UNC13A: variants seen among roughly 807,000 people sequenced by gnomAD.
The protein encoded by UNC13A is protein unc-13 homolog A.
In UNC13A, 61 loss-of-function variants were observed where a neutral mutation model predicts 219.7. The ratio of observed to expected loss-of-function variants is 0.28; its 90% confidence interval spans 0.23 to 0.34. The LOEUF is 0.34. Among genes scored for constraint, UNC13A ranks in the 10% least tolerant of loss-of-function variants. UNC13A has a pLI of 1.00. For synonymous variants in UNC13A, 920 were observed against 884.6 expected, an observed-to-expected ratio of 1.04 and a Z score of -0.71; for missense variants, 1,476 against 2,270.3, an observed-to-expected ratio of 0.65 and a Z score of 7.11.
intron 16 of UNC13A, 35 bp from the exon 17 acceptor site, chr19:17,647,527 C>T (rs762119202): frequency 1.3e-6 from 2 of 1,593,056 alleles, no homozygotes; most frequent in East Asian, 2.2e-5. Context: ...GACCCCAGCG[C>T]GCCCTGCATA....
chr19:17,687,703 A>T (rs1599429026), intron 1 of UNC13A, among the ~76,000 whole-genome samples: 1 of 151,008 alleles, frequency 6.6e-6, no homozygotes, highest in Non-Finnish European at 1.5e-5. Flanking sequence ...GGCTTGGAGA[A>T]CCCTCCCACC....
chr19:17,639,323 A>C, intron 24 of UNC13A, 106 bp from the exon 25 acceptor site: 1 of 1,574,210 alleles, frequency 6.4e-7, no homozygotes, highest in Non-Finnish European at 8.6e-7. Context: ...GTATGAAAGG[A>C]AAAGGTTACT....
rs1399357010 is a variant in UNC13A at position 17,655,953 on chromosome 19, G to C, written c.1213C>G (p.Pro405Ala). The part of the protein sequence containing the change: ...APDMAKVAPK[P>A]ATPDKVPAAE... ...GCAGGCACCTTGTCGGGCGTGGCTG[G>C]CTTGGGGGCCACCTTGGCCATGTCG... is the stretch of plus-strand genomic sequence containing the variant. The change falls in exon 10 of 44, where the codon CCA (proline) becomes GCA (alanine). Residue 405 changes from proline (P) to alanine (A), a missense_variant. Transcript: ENST00000519716. 1 of 1,548,620 alleles carries C rather than the reference G, an allele frequency of 6.5e-7. No individual in the cohort carries two copies. Among genetic ancestry groups the C allele is most frequent in the Non-Finnish European group, 8.7e-7 (1 of 1,149,534 alleles).
At chr19:17,643,015 AT>A (rs796922566) in intron 19 of UNC13A, 55 bp from the exon 20 acceptor site, 96,054 of 1,066,960 alleles carry the variant, frequency 0.09, 34 homozygotes, top group South Asian at 0.12. Context: ...GCAGTGGGCA[AT>A]TTTTTTTTTT....
intron 43 of UNC13A, among the ~76,000 whole-genome samples, chr19:17,608,431 T>G (rs908186414): frequency 2.4e-4 from 33 of 137,904 alleles, no homozygotes; most frequent in African/African-American, 9.1e-4. Context: ...TTATATGATA[T>G]ATATTTATTA....
In UNC13A at chr19:17,655,340, G is replaced by A. The variant is rs541479549; in HGVS notation, c.1326C>T (p.Asp442=). 6.3e-7 allele frequency: 1 copy of A among 1,592,102 alleles called. No individual in the cohort carries two copies. The highest frequency in any genetic ancestry group is 1.1e-5 in the South Asian group (1 of 87,328). The change falls in exon 11 of 44, where the codon GAC becomes GAT. Residue 442 remains aspartate (D), a synonymous_variant. Transcript: ENST00000519716. Reference sequence around the variant, plus strand: ...AGTTGGCCTTGGCCCTGGACATGGAGTCCTGCCCCTCCTGGCCTTCCTCAT... The same window carrying A: ...AGTTGGCCTTGGCCCTGGACATGGAATCCTGCCCCTCCTGGCCTTCCTCAT... The part of the protein sequence containing the change: ...REDEEGQEGQ[D]SMSRAKANWL...
intron 33 of UNC13A, 131 bp from the exon 34 acceptor site, chr19:17,626,916 A>C: frequency 7.4e-7 from 1 of 1,342,618 alleles, no homozygotes. Flanking sequence ...AGAACAGGCC[A>C]GATGCGGTGG....
At chr19:17,643,104 T>G (rs1687436722) in intron 19 of UNC13A, 144 bp from the exon 20 acceptor site, 4 of 591,028 alleles carry the variant, frequency 6.8e-6, no homozygotes, top group Non-Finnish European at 1.2e-5. Flanking sequence ...CTCCACCTCC[T>G]GGGTTCAAGC....
intron 23 of UNC13A, 66 bp from the exon 24 acceptor site, chr19:17,639,591 T>C: frequency 6.5e-7 from 1 of 1,531,226 alleles, no homozygotes; most frequent in African/African-American, 1.4e-5. Context: ...AGACTGCTTT[T>C]CAGGGGGATA....
chr19:17,665,994 AG>A, intron 7 of UNC13A, among the ~76,000 whole-genome samples: 2 of 35,374 alleles, frequency 5.7e-5, no homozygotes, highest in African/African-American at 1.1e-4. Context: ...CCCAAGTCTC[AG>A]AACTCTCCTT....
chr19:17,643,005 G>T, intron 19 of UNC13A, 45 bp from the exon 20 acceptor site: 1 of 1,504,182 alleles, frequency 6.6e-7, no homozygotes, highest in Non-Finnish European at 9.0e-7. Flanking sequence ...TCCCACTATA[G>T]CAGTGGGCAA....
chr19:17,670,590 T>C (rs2079766830), intron 4 of UNC13A, among the ~76,000 whole-genome samples: 1 of 151,828 alleles, frequency 6.6e-6, no homozygotes, highest in Non-Finnish European at 1.5e-5. Context: ...TTCGTCCCTC[T>C]GCATTCATTC....
In UNC13A at chr19:17,666,791, C is replaced by T. The variant is rs558480718; in HGVS notation, c.469-87G>A. The T allele has an allele frequency of 1.7e-4, 171 of 1,027,044 alleles. 3 individuals carry two copies. The South Asian group carries it at 5.3e-3, about 32-fold the overall frequency. 63.6% of individuals were successfully genotyped at this position (1,027,044 alleles called of 1,614,324 possible). A position where few individuals can be genotyped will look rare whatever the true frequency, so the allele number is the denominator to read the frequency against. On this transcript the variant is annotated intron_variant, in intron 6 of 43. Transcript: ENST00000519716. ...GATAGTCCTCTGTTCTGTCCCATCCCGACTTCCCTCTACCTCCCAAATTCT... is the reference window on the plus strand; with the variant it reads ...GATAGTCCTCTGTTCTGTCCCATCCTGACTTCCCTCTACCTCCCAAATTCT...
rs754287445 is a variant in UNC13A at position 17,630,231 on chromosome 19, G to T, written c.3583C>A (p.Gln1195Lys). The T allele has an allele frequency of 6.4e-7, 1 of 1,556,466 alleles. No homozygotes were observed. The highest frequency in any genetic ancestry group is 2.4e-5 in the East Asian group (1 of 41,298). Reference protein sequence around the residue: ...FSCSVVDVFSQLNQSFEIIKK... With the variant: ...FSCSVVDVFSKLNQSFEIIKK... ...ATGATTTCAAAGCTCTGGTTGAGTT[G>T]GGAGAAAACATCCACCACGGAGCAG... The change falls in exon 30 of 44, where the codon CAA becomes AAA. Residue 1195 changes from glutamine (Q) to lysine (K), a missense_variant. Gln to Lys is a moderately conservative substitution (Grantham distance 53). This residue lies in a region of UNC13A where 218 missense variants were observed against 409.4 expected (regional missense o/e 0.53). Transcript: ENST00000519716.
chr19:17,632,759 TG>T (rs766900798), intron 28 of UNC13A, 22 bp downstream of exon 28: 1 of 1,613,330 alleles, frequency 6.2e-7, no homozygotes, highest in Admixed American at 1.7e-5. Flanking sequence ...TGGCTTGGGT[TG>T]GGCCTGGGGC....
intron 1 of UNC13A, among the ~76,000 whole-genome samples, chr19:17,682,728 G>A (rs2080041491): frequency 6.6e-6 from 1 of 152,164 alleles, no homozygotes; most frequent in East Asian, 1.9e-4. Flanking sequence ...CCGATGAATG[G>A]AGAGATTGTG....
intron 31 of UNC13A, among the ~76,000 whole-genome samples, chr19:17,628,839 A>G (rs902938235): frequency 5.3e-5 from 8 of 152,072 alleles, no homozygotes; most frequent in Non-Finnish European, 8.8e-5. Context: ...ACACAACCAG[A>G]CGAAACACAA....
chr19:17,645,165 C>T (rs534980961), intron 19 of UNC13A, among the ~76,000 whole-genome samples: 21 of 151,514 alleles, frequency 1.4e-4, no homozygotes, highest in Non-Finnish European at 2.4e-4. Flanking sequence ...CCCACCACCA[C>T]GCCTGGCTAA....
chr19:17,618,659 C>T (rs986120366), intron 39 of UNC13A, among the ~76,000 whole-genome samples, 158 bp from the exon 40 acceptor site: 1 of 152,140 alleles, frequency 6.6e-6, no homozygotes, highest in Non-Finnish European at 1.5e-5. Flanking sequence ...ACAGCAGGTG[C>T]TCAAAAAATA....
Sources: allele counts gnomAD v4.1 joint callset (sites outside exome capture counted in the v4.1 genomes callset), GRCh38; gene constraint gnomAD v4.1.1; regional missense constraint gnomAD v4.1.1; transcripts MANE v1.5; gene names NCBI Gene and HGNC (gene_info 2026-07-23, HGNC 2026-07-21).